Variants in PDE12 observed in about 807,000 individuals in gnomAD.
The protein encoded by PDE12 is phosphodiesterase 12.
Under a neutral mutation model 45.4 loss-of-function variants are expected in PDE12, and 26 were observed. The observed-to-expected ratio is 0.57, with a 90% CI of 0.42 to 0.79. The LOEUF is 0.79. Among genes scored for constraint, PDE12 ranks in the 30% least tolerant of loss-of-function variants. The pLI, the probability that PDE12 is intolerant of heterozygous loss-of-function variation, is 0.00. For missense variants in PDE12, 668 were observed against 790.0 expected, an observed-to-expected ratio of 0.85 and a Z score of 1.85; for synonymous variants, 283 against 323.9, an observed-to-expected ratio of 0.87 and a Z score of 1.36.
chr3:57,640,756 G>T, the PDE12 span, among the ~76,000 whole-genome samples: 1 of 151,956 alleles, frequency 6.6e-6, no homozygotes, highest in Non-Finnish European at 1.5e-5. Flanking sequence ...AAATTACTAC[G>T]CCCAAACCAT....
At chr3:57,590,661 AGT>A in the PDE12 span, among the ~76,000 whole-genome samples, 24,606 of 151,860 alleles carry the variant, frequency 0.16, 2,620 homozygotes, top group East Asian at 0.48. Context: ...CATAATTATA[AGT>A]GTGTGTGTGT....
At chr3:57,653,266 T>C in the PDE12 span, among the ~76,000 whole-genome samples, 7 of 152,190 alleles carry the variant, frequency 4.6e-5, no homozygotes, top group African/African-American at 7.2e-5. Flanking sequence ...TTGCAAATTA[T>C]TGTCTTTCAA....
the PDE12 span, among the ~76,000 whole-genome samples, chr3:57,580,322 T>G: frequency 3.3e-5 from 5 of 152,190 alleles, no homozygotes; most frequent in East Asian, 7.7e-4. Context: ...TCATGGGCAT[T>G]TATTTAGCAA....
chr3:57,629,669 G>A, the PDE12 span, among the ~76,000 whole-genome samples: 3 of 149,654 alleles, frequency 2.0e-5, no homozygotes, highest in South Asian at 2.1e-4. Flanking sequence ...CTGCCACCAC[G>A]CCCGGCTAAT....
chr3:57,574,408 ATT>A, the PDE12 span, among the ~76,000 whole-genome samples: 1 of 145,250 alleles, frequency 6.9e-6, no homozygotes. Flanking sequence ...AGAAGTACAA[ATT>A]TTTTTTTTTT....
chr3:57,560,421 G>A lies in PDE12; in HGVS notation c.*417G>A. On this transcript the variant is annotated 3_prime_UTR_variant, in exon 3 of 3. Transcript: ENST00000311180. Reference sequence around the variant, plus strand: ...GCTCACTGCAACCTCCGCCCCCTGGGTTTAAGCGATTCTCCTGCCTCAGCT... The same window carrying A: ...GCTCACTGCAACCTCCGCCCCCTGGATTTAAGCGATTCTCCTGCCTCAGCT... 1.8e-6 allele frequency: 1 copy of A among 558,838 alleles called. No homozygotes were observed. Among genetic ancestry groups the A allele is most frequent in the Non-Finnish European group, 2.3e-6 (1 of 437,334 alleles). 34.6% of individuals were successfully genotyped at this position (558,838 alleles called of 1,614,324 possible). A position where few individuals can be genotyped will look rare whatever the true frequency, so the allele number is the denominator to read the frequency against.
chr3:57,559,987 G>A lies in PDE12; in HGVS notation c.1813G>A (p.Asp605Asn). 1 of 1,603,706 alleles carries A rather than the reference G, an allele frequency of 6.2e-7. No homozygotes were observed. The highest frequency in any genetic ancestry group is 8.5e-7 in the Non-Finnish European group (1 of 1,176,516). Reference protein sequence around the residue: ...HPSDHIALVCDLKWK With the variant: ...HPSDHIALVCNLKWK ...CTCTGATCACATAGCACTTGTATGT[G>A]ATTTAAAATGGAAATAGATGTGTGT... Residue 605 changes from aspartate to asparagine, a missense_variant, in exon 3 of 3, where the codon GAT becomes AAT. By Grantham distance (23) the Asp-to-Asn change is conservative. Coordinates refer to ENST00000311180, the MANE Select transcript of PDE12 (RefSeq NM_177966.7).
the PDE12 span, chr3:57,571,927 AATTT>A: frequency 3.5e-6 from 1 of 285,778 alleles, no homozygotes; most frequent in Non-Finnish European, 6.5e-6. Context: ...CACTCAAAAC[AATTT>A]ATTTAAAGGT....
At position 57,559,908 on chromosome 3, in the gene PDE12, A is replaced by G. The variant is rs749939949; in HGVS notation, c.1734A>G (p.Leu578=). The G allele has an allele frequency of 1.2e-6, 2 of 1,614,028 alleles. No individual in the cohort carries two copies. Among genetic ancestry groups the G allele is most frequent in the South Asian group, 2.2e-5 (2 of 91,084 alleles). The change falls in exon 3 of 3, where the codon TTA becomes TTG. Residue 578 remains leucine, a synonymous_variant. Coordinates refer to ENST00000311180, the MANE Select transcript of PDE12 (RefSeq NM_177966.7). ...TAGAGGTTGAACAGGTGATTCCATT[A>G]CCTAGTCATGAAGAAGTTACCACCC... The part of the protein sequence containing the change: ...NALEVEQVIP[L]PSHEEVTTHQ...
At chr3:57,568,068 C>CAAAAAAAAAAAAA (rs11360766), downstream of PDE12, among the ~76,000 whole-genome samples, 2 of 47,544 alleles carry the variant, frequency 4.2e-5, no homozygotes, top group African/African-American at 2.0e-4. Flanking sequence ...GACTCCATCT[C>CAAAAAAAAAAAAA]AAAAAAAAAA....
the PDE12 span, among the ~76,000 whole-genome samples, chr3:57,616,280 C>T: frequency 6.6e-6 from 1 of 151,896 alleles, no homozygotes; most frequent in Admixed American, 6.6e-5. Context: ...GACATGATTG[C>T]ACCACTGTAG....
the PDE12 span, among the ~76,000 whole-genome samples, chr3:57,640,302 A>T: frequency 6.7e-6 from 1 of 150,360 alleles, no homozygotes; most frequent in South Asian, 2.1e-4. Flanking sequence ...AAAAAACAAA[A>T]AAGGTAGTGG....
At chr3:57,596,709 G>C in the PDE12 span, 1 of 241,348 alleles carries the variant, frequency 4.1e-6, no homozygotes, top group Non-Finnish European at 8.3e-6. Flanking sequence ...CCACACCCGG[G>C]CAAGAAGGTA....
the PDE12 span, among the ~76,000 whole-genome samples, chr3:57,640,941 T>C: frequency 6.6e-6 from 1 of 151,996 alleles, no homozygotes; most frequent in Non-Finnish European, 1.5e-5. Flanking sequence ...AACAAGGTAC[T>C]GTATGTCTTT....
chr3:57,616,608 C>T, the PDE12 span, among the ~76,000 whole-genome samples: 2 of 152,150 alleles, frequency 1.3e-5, no homozygotes, highest in African/African-American at 4.8e-5. Flanking sequence ...AATTCTACGT[C>T]CAAATAGCTT....
the PDE12 span, among the ~76,000 whole-genome samples, chr3:57,655,280 G>A: frequency 9.8e-4 from 149 of 152,232 alleles, no homozygotes; most frequent in African/African-American, 3.3e-3. Context: ...TGATCCGCCC[G>A]CCTCGGCCTC....
chr3:57,605,646 T>A, the PDE12 span, among the ~76,000 whole-genome samples: 3 of 152,014 alleles, frequency 2.0e-5, no homozygotes, highest in African/African-American at 7.2e-5. Flanking sequence ...AAAACGAAAA[T>A]ACACAATATC....
At chr3:57,605,501 C>G in the PDE12 span, among the ~76,000 whole-genome samples, 18 of 152,116 alleles carry the variant, frequency 1.2e-4, no homozygotes, top group Non-Finnish European at 2.9e-5. Flanking sequence ...TCTTGCCTCA[C>G]TGATGAAGAA....
the PDE12 span, among the ~76,000 whole-genome samples, chr3:57,589,974 C>T: frequency 6.7e-6 from 1 of 150,118 alleles, no homozygotes; most frequent in African/African-American, 2.5e-5. Flanking sequence ...GCCTGTAATC[C>T]CAGCTACTCG....
Sources: gnomAD v4.1 joint callset for allele counts (sites outside exome capture counted in the v4.1 genomes callset) on GRCh38, gnomAD v4.1.1 for gene constraint, MANE v1.5 for transcripts, NCBI Gene and HGNC (gene_info 2026-07-23, HGNC 2026-07-21) for gene names.